SHISA6: variants seen among roughly 807,000 people sequenced by gnomAD.
SHISA6 encodes the protein protein shisa-6.
SHISA6 carries 22 observed loss-of-function variants against 47.9 expected under a neutral mutation model. The observed-to-expected ratio is 0.46, with a 90% CI of 0.33 to 0.66. The LOEUF is 0.66. SHISA6 is among the 30% of genes least tolerant of loss of function. SHISA6 has a pLI of 0.02. For synonymous variants in SHISA6, 388 were observed against 337.8 expected (o/e 1.15, Z -1.63); for missense variants, 680 against 764.6 (o/e 0.89, Z 1.30).
At chr17:11,352,490 A>G (rs1911922567) in intron 2 of SHISA6, among the ~76,000 whole-genome samples, 1 of 152,188 alleles carries the variant, frequency 6.6e-6, no homozygotes, top group Non-Finnish European at 1.5e-5. Context: ...CAAGATGGGA[A>G]AAATAGGGGT....
chr17:11,284,572 C>T (rs934390503), intron 2 of SHISA6, among the ~76,000 whole-genome samples: 3 of 152,102 alleles, frequency 2.0e-5, no homozygotes, highest in Admixed American at 6.5e-5. Flanking sequence ...ACAGTGTCTG[C>T]CCCATGTTTT....
intron 3 of SHISA6, among the ~76,000 whole-genome samples, chr17:11,473,744 C>CT (rs541181741): frequency 6.6e-6 from 1 of 152,140 alleles, no homozygotes; most frequent in Admixed American, 6.5e-5. Context: ...CCATTTTCTC[C>CT]TTTTTTTGTA....
chr17:11,309,369 A>G (rs1910241574), intron 2 of SHISA6, among the ~76,000 whole-genome samples: 1 of 152,214 alleles, frequency 6.6e-6, no homozygotes, highest in African/African-American at 2.4e-5. Context: ...GTTTTCTGTA[A>G]TAATTTCAGT....
intron 3 of SHISA6, among the ~76,000 whole-genome samples, chr17:11,430,170 TAC>T (rs1318489295): frequency 6.6e-6 from 1 of 152,206 alleles, no homozygotes; most frequent in Non-Finnish European, 1.5e-5. Context: ...ACCCTAAAAC[TAC>T]ATTCTTTCCA....
intron 3 of SHISA6, among the ~76,000 whole-genome samples, chr17:11,493,447 G>A (rs752108330): frequency 1.3e-5 from 2 of 152,038 alleles, no homozygotes; most frequent in Admixed American, 1.3e-4. Flanking sequence ...GGCTGGTCTC[G>A]AACTCCTGAT....
chr17:11,441,183 A>G (rs1289140259), intron 3 of SHISA6, among the ~76,000 whole-genome samples: 2 of 152,238 alleles, frequency 1.3e-5, no homozygotes, highest in African/African-American at 4.8e-5. Flanking sequence ...CTAAAGGCGT[A>G]GACTGGGGCA....
At chr17:11,472,147 T>C (rs1366122707) in intron 3 of SHISA6, among the ~76,000 whole-genome samples, 2 of 152,216 alleles carry the variant, frequency 1.3e-5, no homozygotes, top group Non-Finnish European at 2.9e-5. Flanking sequence ...ACATGGTTTT[T>C]TGTTTTCTGG....
intron 2 of SHISA6, among the ~76,000 whole-genome samples, chr17:11,312,933 T>C (rs1910386231): frequency 6.6e-6 from 1 of 152,236 alleles, no homozygotes; most frequent in Non-Finnish European, 1.5e-5. Flanking sequence ...AAGGCGTTGA[T>C]GTGCTTATAA....
intron 2 of SHISA6, among the ~76,000 whole-genome samples, chr17:11,267,279 G>T (rs1181660183): frequency 6.6e-6 from 1 of 152,174 alleles, no homozygotes; most frequent in Admixed American, 6.5e-5. Context: ...TGTGGTCCAT[G>T]GACCAGGAGC....
At chr17:11,274,696 G>C (rs571572320) in intron 2 of SHISA6, among the ~76,000 whole-genome samples, 1 of 152,184 alleles carries the variant, frequency 6.6e-6, no homozygotes, top group Non-Finnish European at 1.5e-5. Context: ...TGAACACTTC[G>C]TTAGGGCCTA....
chr17:11,380,419 T>G (rs1222853667), intron 3 of SHISA6: 1 of 152,244 alleles, frequency 6.6e-6, no homozygotes, highest in Non-Finnish European at 1.5e-5. Flanking sequence ...GTATGTATTT[T>G]CTGTTGTGTC....
chr17:11,546,217 C>A (rs566103582), intron 3 of SHISA6, among the ~76,000 whole-genome samples: 1 of 152,308 alleles, frequency 6.6e-6, no homozygotes, highest in East Asian at 1.9e-4. Flanking sequence ...CCAAAACTCT[C>A]TCTTATAATG....
At chr17:11,276,090 G>A (rs1236204590) in intron 2 of SHISA6, among the ~76,000 whole-genome samples, 5 of 151,974 alleles carry the variant, frequency 3.3e-5, no homozygotes, top group Admixed American at 2.6e-4. Context: ...CAATTCTCCT[G>A]CCTAAGCCTC....
At chr17:11,507,718 C>T (rs987537841) in intron 3 of SHISA6, among the ~76,000 whole-genome samples, 19 of 152,134 alleles carry the variant, frequency 1.2e-4, no homozygotes, top group African/African-American at 4.3e-4. Flanking sequence ...TCACTGACAC[C>T]CTGACTTCAA....
intron 3 of SHISA6, among the ~76,000 whole-genome samples, chr17:11,383,696 T>C (rs1424293308): frequency 1.3e-5 from 2 of 152,216 alleles, no homozygotes; most frequent in African/African-American, 2.4e-5. Context: ...TTCTTACTTT[T>C]CCTCTTACTA....
At chr17:11,272,793 A>G (rs1908730319) in intron 2 of SHISA6, among the ~76,000 whole-genome samples, 1 of 152,208 alleles carries the variant, frequency 6.6e-6, no homozygotes. Flanking sequence ...ACAGTAGGTC[A>G]TATGGCAGAG....
intron 3 of SHISA6, among the ~76,000 whole-genome samples, chr17:11,473,822 T>C (rs1915985508): frequency 6.6e-6 from 1 of 152,082 alleles, no homozygotes; most frequent in South Asian, 2.1e-4. Context: ...ACAGGTGCCA[T>C]GGTGGTTTGC....
intron 3 of SHISA6, among the ~76,000 whole-genome samples, chr17:11,500,598 A>C (rs1423041813): frequency 1.3e-5 from 2 of 152,230 alleles, no homozygotes; most frequent in East Asian, 3.8e-4. Flanking sequence ...GGTTTGTTCA[A>C]AAGGCCAAGA....
chr17:11,454,657 G>A (rs909060819), intron 3 of SHISA6, among the ~76,000 whole-genome samples: 48 of 152,318 alleles, frequency 3.2e-4, no homozygotes, highest in African/African-American at 4.8e-4. Context: ...TGCTCCAGGC[G>A]TGTGGCTCCT....
Sources: gnomAD v4.1 joint callset for allele counts (sites outside exome capture counted in the v4.1 genomes callset) on GRCh38, gnomAD v4.1.1 for gene constraint, MANE v1.5 for transcripts, NCBI Gene and HGNC (gene_info 2026-07-23, HGNC 2026-07-21) for gene names.